Variants in LRMDA observed in about 807,000 individuals in gnomAD.
LRMDA encodes leucine rich melanocyte differentiation associated, also known as leucine-rich melanocyte differentiation-associated protein.
Under a neutral mutation model 29.8 loss-of-function variants are expected in LRMDA, and 18 were observed. The observed-to-expected ratio is 0.60, with a 90% CI of 0.42 to 0.90. LRMDA has a LOEUF of 0.90. Ranked by LOEUF, LRMDA falls within the 40% of genes least tolerant of loss-of-function variation. The probability of loss-of-function intolerance (pLI) is 0.00; values close to 1 mark genes in which losing one functional copy is unlikely to be tolerated. For missense variants in LRMDA, 273 were observed against 273.9 expected, an observed-to-expected ratio of 1.00 and a Z score of 0.02; for synonymous variants, 125 against 109.4, an observed-to-expected ratio of 1.14 and a Z score of -0.89.
At chr10:75,795,676 C>G (rs767480827) in intron 2 of LRMDA, among the ~76,000 whole-genome samples, 1 of 152,136 alleles carries the variant, frequency 6.6e-6, no homozygotes, top group Non-Finnish European at 1.5e-5. Context: ...TATGAGTCCT[C>G]CAAATTTGTA....
chr10:76,170,240 G>A (rs1850810457), intron 5 of LRMDA, among the ~76,000 whole-genome samples: 1 of 152,144 alleles, frequency 6.6e-6, no homozygotes, highest in Non-Finnish European at 1.5e-5. Flanking sequence ...ACTCAGAATT[G>A]GTAGAAAACC....
intron 2 of LRMDA, among the ~76,000 whole-genome samples, chr10:75,478,177 G>C (rs528982629): frequency 4.6e-5 from 7 of 152,208 alleles, no homozygotes; most frequent in Non-Finnish European, 1.0e-4. Context: ...TTGGGAGGAG[G>C]CAGCTCTCCC....
At chr10:75,985,201 G>A (rs575230109) in intron 2 of LRMDA, among the ~76,000 whole-genome samples, 13 of 152,250 alleles carry the variant, frequency 8.5e-5, no homozygotes, top group Admixed American at 6.5e-4. Context: ...GAAAAGTAAA[G>A]GGAAATGTAT....
At chr10:75,445,840 C>T (rs895222515) in intron 2 of LRMDA, among the ~76,000 whole-genome samples, 1 of 152,272 alleles carries the variant, frequency 6.6e-6, no homozygotes, top group Non-Finnish European at 1.5e-5. Context: ...CAACAGGAAG[C>T]TTATGTTTTA....
chr10:75,798,834 A>G (rs541359452), intron 2 of LRMDA, among the ~76,000 whole-genome samples: 174 of 152,270 alleles, frequency 1.1e-3, no homozygotes, highest in African/African-American at 4.0e-3. Flanking sequence ...CACTATATAC[A>G]TTACATGTTT....
rs537689712 is a variant in LRMDA, at chr10:75,880,494, G to A, written c.132-155514G>A. On this transcript the variant is annotated intron_variant, in intron 2 of 6. Transcript: ENST00000611255. The stretch of plus-strand genomic sequence containing the variant: ...AGATTGGAAAAACAGGGGTCAAATA[G>A]GATTCACACAATTCCTTTGTGAGAT... Among the ~76,000 whole-genome samples, 17 of 152,304 alleles carry A rather than the reference G, an allele frequency of 1.1e-4. No homozygotes were observed. In the South Asian group the frequency reaches 3.3e-3, roughly 30 times the overall value.
chr10:75,921,058 G>A (rs1201308626), intron 2 of LRMDA, among the ~76,000 whole-genome samples: 2 of 152,180 alleles, frequency 1.3e-5, no homozygotes, highest in Non-Finnish European at 2.9e-5. Flanking sequence ...TCACTCTTTA[G>A]ATATTTAAAC....
At chr10:76,350,858 C>G (rs972993482) in intron 6 of LRMDA, among the ~76,000 whole-genome samples, 1 of 152,088 alleles carries the variant, frequency 6.6e-6, no homozygotes, top group Non-Finnish European at 1.5e-5. Context: ...AACTCTCTGT[C>G]CATTCCGAGT....
chr10:75,559,957 C>G lies in LRMDA; in HGVS notation c.131+121463C>G, dbSNP rs868454359. 8.9e-3 allele frequency among the ~76,000 whole-genome samples: 1,291 copies of G among 145,656 alleles called. 24 individuals are homozygous for G. The highest frequency in any genetic ancestry group is 0.03 in the African/African-American group (1,230 of 40,674). The stretch of plus-strand genomic sequence containing the variant: ...GTAGCCTTGTAGTATAGTTTGAAGT[C>G]AGGTAGCATGATGCCTCCAGCTTTG... On this transcript the variant is annotated intron_variant, in intron 2 of 6. Coordinates refer to ENST00000611255, the MANE Select transcript of LRMDA (RefSeq NM_001305581.2).
intron 2 of LRMDA, among the ~76,000 whole-genome samples, chr10:75,465,068 C>T (rs961731452): frequency 6.6e-6 from 1 of 152,168 alleles, no homozygotes; most frequent in Non-Finnish European, 1.5e-5. Flanking sequence ...TCCTGGCTGA[C>T]CCTTAAATGC....
chr10:76,215,165 T>C (rs1760312888), intron 5 of LRMDA, among the ~76,000 whole-genome samples: 1 of 152,190 alleles, frequency 6.6e-6, no homozygotes, highest in Non-Finnish European at 1.5e-5. Context: ...CAGCTGTTTC[T>C]CTCATCAGTT....
At chr10:75,963,965 T>G (rs184217482) in intron 2 of LRMDA, among the ~76,000 whole-genome samples, 6 of 152,362 alleles carry the variant, frequency 3.9e-5, no homozygotes, top group Admixed American at 3.9e-4. Context: ...CATTTTATTT[T>G]CTGGTGATGC....
In LRMDA at chr10:76,370,778, G is replaced by A. The variant is rs759304198; in HGVS notation, c.601+46293G>A. ...ATACATACTATATATAGTAAGTGGA[G>A]AGCACACCAAATGTATATCATTTTT... On this transcript the variant is annotated intron_variant, in intron 6 of 6. Coordinates refer to ENST00000611255, the MANE Select transcript of LRMDA (RefSeq NM_001305581.2). Among the ~76,000 whole-genome samples, 17 of 152,152 alleles carry A rather than the reference G, an allele frequency of 1.1e-4. No homozygotes were observed. In the Middle Eastern group the frequency reaches 0.01, roughly 91 times the overall value.
chr10:76,186,979 T>G (rs1180283107), intron 5 of LRMDA, among the ~76,000 whole-genome samples: 4 of 152,198 alleles, frequency 2.6e-5, no homozygotes, highest in Non-Finnish European at 4.4e-5. Context: ...GATAAGGATT[T>G]TGGTTTGATT....
chr10:75,917,507 G>A (rs1463833283), intron 2 of LRMDA, among the ~76,000 whole-genome samples: 2 of 152,214 alleles, frequency 1.3e-5, no homozygotes, highest in Non-Finnish European at 2.9e-5. Context: ...TAAATGAAGA[G>A]CCGTTCTCTG....
At chr10:75,869,054 A>G (rs1268902775) in intron 2 of LRMDA, among the ~76,000 whole-genome samples, 1 of 152,204 alleles carries the variant, frequency 6.6e-6, no homozygotes, top group East Asian at 1.9e-4. Flanking sequence ...ATGTTGCCCA[A>G]TGGGAGAAGG....
At chr10:75,504,213 C>G (rs1845146517) in intron 2 of LRMDA, among the ~76,000 whole-genome samples, 1 of 152,050 alleles carries the variant, frequency 6.6e-6, no homozygotes, top group Non-Finnish European at 1.5e-5. Flanking sequence ...AGGCTGGTCT[C>G]CAACTCCTGG....
At chr10:75,473,986 T>C (rs1195440396) in intron 2 of LRMDA, among the ~76,000 whole-genome samples, 1 of 152,210 alleles carries the variant, frequency 6.6e-6, no homozygotes, top group Non-Finnish European at 1.5e-5. Flanking sequence ...TTTGCATTTC[T>C]AACAACTTCC....
chr10:76,113,469 A>AG (rs1849613744), intron 5 of LRMDA, among the ~76,000 whole-genome samples: 1 of 151,960 alleles, frequency 6.6e-6, no homozygotes, highest in African/African-American at 2.4e-5. Context: ...AAAGAAGATG[A>AG]GGGGGGAAAA....
Sources: gnomAD v4.1 joint callset for allele counts (sites outside exome capture counted in the v4.1 genomes callset) on GRCh38, gnomAD v4.1.1 for gene constraint, MANE v1.5 for transcripts, NCBI Gene and HGNC (gene_info 2026-07-23, HGNC 2026-07-21) for gene names.